AZIN2: variants seen among roughly 807,000 people sequenced by gnomAD.
AZIN2 encodes antizyme inhibitor 2, also known as ODC antizyme inhibitor-2.
Under a neutral mutation model 47.8 loss-of-function variants are expected in AZIN2, and 28 were observed. That is an observed-to-expected ratio of 0.59 (90% confidence interval 0.43 to 0.80). The LOEUF is 0.80. Among genes scored for constraint, AZIN2 ranks in the 30% least tolerant of loss-of-function variants. AZIN2 has a pLI of 0.00. For missense variants in AZIN2, 535 were observed against 582.5 expected, an observed-to-expected ratio of 0.92 and a Z score of 0.84; for synonymous variants, 221 against 239.4, an observed-to-expected ratio of 0.92 and a Z score of 0.71.
At chr1:33,165,875 G>C in the AZIN2 span, 1 of 227,788 alleles carries the variant, frequency 4.4e-6, no homozygotes, top group African/African-American at 2.3e-5. This position sits in a 1 kb window ranked among gnomAD's most constrained non-coding sequence, Gnocchi z 4.0. Flanking sequence ...CTGGATCCCC[G>C]CTTAGAATTA....
chr1:33,095,749 G>A (rs1021518436), intron 8 of AZIN2, among the ~76,000 whole-genome samples: 7 of 152,192 alleles, frequency 4.6e-5, no homozygotes, highest in Non-Finnish European at 7.3e-5. Flanking sequence ...TTGACAAGAA[G>A]CCTTGCTGAT....
the AZIN2 span, chr1:33,158,119 T>A: frequency 1.4e-6 from 1 of 723,896 alleles, no homozygotes; most frequent in East Asian, 2.8e-5. Context: ...GGACAGGTCC[T>A]GGAACACACT....
At chr1:33,137,971 G>A in the AZIN2 span, among the ~76,000 whole-genome samples, 1 of 152,224 alleles carries the variant, frequency 6.6e-6, no homozygotes, top group Non-Finnish European at 1.5e-5. Context: ...GAGGTGGCAG[G>A]GGAAAGGGGT....
intron 10 of AZIN2, chr1:33,101,770 G>A: frequency 1.4e-6 from 1 of 725,070 alleles, no homozygotes; most frequent in East Asian, 2.5e-5. Flanking sequence ...TTGTTTTTTT[G>A]CTTTATAAAA....
At chr1:33,094,402 C>A in intron 7 of AZIN2, 146 bp from the exon 8 acceptor site, 1 of 843,296 alleles carries the variant, frequency 1.2e-6, no homozygotes, top group Non-Finnish European at 1.8e-6. Context: ...CCTTGGCAAC[C>A]CATTGAACAT....
the AZIN2 span, among the ~76,000 whole-genome samples, chr1:33,157,287 G>A: frequency 1.2e-4 from 18 of 152,278 alleles, no homozygotes; most frequent in Admixed American, 5.9e-4. Flanking sequence ...CTGGGAAACA[G>A]AGGGAGACTG....
intron 10 of AZIN2, among the ~76,000 whole-genome samples, chr1:33,114,128 CTT>C (rs1213266792): frequency 7.0e-6 from 1 of 143,304 alleles, no homozygotes. Flanking sequence ...TTATTCTTTT[CTT>C]TTTTTTTTTG....
chr1:33,164,955 A>AT, the AZIN2 span: 267 of 124,838 alleles, frequency 2.1e-3, 1 homozygote, highest in African/African-American at 5.9e-3. Context: ...GCTATATTCA[A>AT]TTTTTTTTTT....
At chr1:33,101,895 C>T in intron 10 of AZIN2, 2 of 779,138 alleles carry the variant, frequency 2.6e-6, no homozygotes, top group Non-Finnish European at 4.8e-6. Flanking sequence ...CCGTGTAGCG[C>T]TCTTTTGGTG....
downstream of AZIN2, among the ~76,000 whole-genome samples, chr1:33,124,293 A>G (rs1335157720): frequency 2.0e-5 from 3 of 152,208 alleles, no homozygotes; most frequent in Non-Finnish European, 4.4e-5. This position sits in a 1 kb window ranked among gnomAD's most constrained non-coding sequence, Gnocchi z 4.6. Flanking sequence ...TGAATTACAA[A>G]GCCAGGAGTT....
downstream of AZIN2, among the ~76,000 whole-genome samples, chr1:33,123,967 G>A (rs948351639): frequency 2.6e-5 from 4 of 151,846 alleles, no homozygotes; most frequent in Non-Finnish European, 5.9e-5. Context: ...CTACACTCCA[G>A]CCCGGATGAC....
intron 10 of AZIN2, among the ~76,000 whole-genome samples, chr1:33,107,406 CCT>C (rs1164017333): frequency 6.6e-6 from 1 of 151,948 alleles, no homozygotes; most frequent in African/African-American, 2.4e-5. Context: ...ATGGTGAAGC[CCT>C]GTCTCTACTA....
At chr1:33,147,894 G>A in the AZIN2 span, among the ~76,000 whole-genome samples, 1 of 152,178 alleles carries the variant, frequency 6.6e-6, no homozygotes, top group South Asian at 2.1e-4. This position sits in a 1 kb window ranked among gnomAD's most constrained non-coding sequence, Gnocchi z 8.1. Flanking sequence ...TTCCTCCTCT[G>A]TAGAATGGAA....
At chr1:33,101,213 C>A (rs571791469) in intron 10 of AZIN2, among the ~76,000 whole-genome samples, 2 of 151,858 alleles carry the variant, frequency 1.3e-5, no homozygotes, top group Admixed American at 6.6e-5. Context: ...TCTTCTTTTT[C>A]TTTTTTGTAG....
the AZIN2 span, among the ~76,000 whole-genome samples, chr1:33,135,709 A>G: frequency 6.6e-6 from 1 of 152,182 alleles, no homozygotes; most frequent in Non-Finnish European, 1.5e-5. Context: ...AACCTCCTCC[A>G]GGAGGAACCT....
At chr1:33,133,339 A>G in the AZIN2 span, among the ~76,000 whole-genome samples, 1 of 152,216 alleles carries the variant, frequency 6.6e-6, no homozygotes, top group Non-Finnish European at 1.5e-5. Context: ...TCACTCTTAA[A>G]TGTCACACCT....
chr1:33,113,099 C>T lies in AZIN2; in HGVS notation c.1030-4803C>T, dbSNP rs1017425321. ...AGCGATTCTCTTGGGAGGCCTCAGC[C>T]TCCCAAATACCTGGGACTACAGGCG... is the stretch of plus-strand genomic sequence containing the variant. On this transcript the variant is annotated intron_variant, in intron 10 of 11. Transcript: ENST00000294517. This position sits in a 1 kb window ranked among gnomAD's most constrained non-coding sequence, Gnocchi z 4.1. Among the ~76,000 whole-genome samples the T allele has an allele frequency of 6.6e-6, 1 of 152,068 alleles. No individual in the cohort carries two copies. Among genetic ancestry groups the T allele is most frequent in the African/African-American group, 2.4e-5 (1 of 41,416 alleles).
At chr1:33,123,707 AC>A (rs1165814273), downstream of AZIN2, among the ~76,000 whole-genome samples, 31 of 152,342 alleles carry the variant, frequency 2.0e-4, 1 homozygote, top group Admixed American at 1.8e-3. Context: ...TACTAAAGAT[AC>A]AAAAAATTGG....
Position 33,120,355 on chromosome 1 carries a change from G to A in AZIN2, c.*173G>A, listed in dbSNP as rs759734148. On this transcript the variant is annotated 3_prime_UTR_variant, in exon 12 of 12. Transcript: ENST00000294517. ...TGTAAATAGGACCAGTCTTACACTC[G>A]CTGTAGTTCAAGTATGCAACATAAA... 11 of 853,462 alleles carry A rather than the reference G, an allele frequency of 1.3e-5. No homozygotes were observed. The highest frequency in any genetic ancestry group is 1.8e-5 in the South Asian group (1 of 55,120). The allele number at this position is 853,462 out of a possible 1,614,324, so 52.9% of individuals were successfully genotyped here. A position where few individuals can be genotyped will look rare whatever the true frequency, so the allele number is the denominator to read the frequency against.
Sources: allele counts gnomAD v4.1 joint callset (sites outside exome capture counted in the v4.1 genomes callset), GRCh38; gene constraint gnomAD v4.1.1; non-coding constraint Gnocchi (gnomAD v3.1); transcripts MANE v1.5; gene names NCBI Gene and HGNC (gene_info 2026-07-23, HGNC 2026-07-21).